MTRF1: variants seen among roughly 807,000 people sequenced by gnomAD.
MTRF1 encodes peptide chain release factor 1, mitochondrial.
Under a neutral mutation model 62.9 loss-of-function variants are expected in MTRF1, and 51 were observed. That is an observed-to-expected ratio of 0.81 (90% confidence interval 0.65 to 1.02). MTRF1 has a LOEUF of 1.02. MTRF1 is among the 50% of genes least tolerant of loss of function. The pLI is 0.00. For synonymous variants in MTRF1, 158 were observed against 181.9 expected, an observed-to-expected ratio of 0.87 and a Z score of 1.06; for missense variants, 446 against 530.0, an observed-to-expected ratio of 0.84 and a Z score of 1.56.
the MTRF1 span, chr13:41,287,693 T>C: frequency 6.3e-6 from 1 of 158,028 alleles, no homozygotes; most frequent in Admixed American, 6.5e-5. Context: ...TTAAGCAAAA[T>C]GTACAACAGT....
the MTRF1 span, among the ~76,000 whole-genome samples, chr13:41,289,530 C>G: frequency 1.3e-5 from 2 of 152,188 alleles, no homozygotes; most frequent in African/African-American, 2.4e-5. Context: ...GCCGCCGTGC[C>G]CAGCCGAAAA....
the MTRF1 span, chr13:41,311,670 C>A: frequency 8.3e-7 from 1 of 1,200,312 alleles, no homozygotes; most frequent in Non-Finnish European, 1.2e-6. Flanking sequence ...CCGGCGCGGG[C>A]CAGGCTTGGC....
chr13:41,278,452 C>T, the MTRF1 span, among the ~76,000 whole-genome samples: 2 of 152,152 alleles, frequency 1.3e-5, no homozygotes, highest in South Asian at 2.1e-4. Flanking sequence ...TGGGATATGC[C>T]CTATGTAAAC....
At chr13:41,292,970 T>C in the MTRF1 span, among the ~76,000 whole-genome samples, 26 of 152,210 alleles carry the variant, frequency 1.7e-4, no homozygotes, top group South Asian at 5.0e-3. Context: ...CAAAAACTTA[T>C]TTGCCTGAAA....
intron 2 of MTRF1, among the ~76,000 whole-genome samples, chr13:41,258,488 G>A (rs373516384): frequency 1.1e-4 from 17 of 150,826 alleles, no homozygotes; most frequent in South Asian, 4.2e-4. Context: ...AAAAATAGCC[G>A]GTAGTCCCAG....
chr13:41,236,734 A>G (rs776558252), intron 6 of MTRF1: 1 of 152,268 alleles, frequency 6.6e-6, no homozygotes, highest in African/African-American at 2.4e-5. Context: ...AAGTAGTTAC[A>G]TAGAAAATGT....
the MTRF1 span, among the ~76,000 whole-genome samples, chr13:41,289,281 C>T: frequency 1.4e-5 from 2 of 141,960 alleles, no homozygotes; most frequent in African/African-American, 5.3e-5. Context: ...GTCACCCAGG[C>T]TGGAGTGCAG....
intron 5 of MTRF1, among the ~76,000 whole-genome samples, chr13:41,246,032 T>C (rs771398166): frequency 1.3e-4 from 15 of 117,980 alleles, no homozygotes; most frequent in Admixed American, 9.2e-4. Context: ...TAAATCTCCT[T>C]ACCTACAGCC....
chr13:41,260,428 C>A, intron 2 of MTRF1, 65 bp downstream of exon 2: 1 of 1,285,934 alleles, frequency 7.8e-7, no homozygotes, highest in Non-Finnish European at 1.1e-6. Flanking sequence ...TACACACACG[C>A]ATATAAGTGT....
At chr13:41,218,280 AATTTTTTTTTTTTTTTTT>A (rs751947383) in intron 9 of MTRF1, among the ~76,000 whole-genome samples, 17,264 of 121,010 alleles carry the variant, frequency 0.14, 1,328 homozygotes, top group Non-Finnish European at 0.2. Flanking sequence ...ACACCCAGCT[AATTTTTTTTTTTTTTTTT>A]TTTTTTTTTT....
At position 41,260,783 on chromosome 13, in the gene MTRF1, A is replaced by C; in HGVS notation, c.125T>G (p.Phe42Cys). The part of the protein sequence containing the change: ...QIHLDTRLQV[F>C]RQNRNCILHL... ...AAGAATGCAATTCCTGTTTTGTCTA[A>C]AAACTTGCAGCCTTGTATCAAGATG... Residue 42 changes from phenylalanine to cysteine, a missense_variant, in exon 2 of 10, where the codon TTT (phenylalanine) becomes TGT (cysteine). By Grantham distance (205) the Phe-to-Cys change is radical. Transcript: ENST00000379480. The C allele has an allele frequency of 6.2e-7, 1 of 1,614,218 alleles. No homozygotes were observed. The highest frequency in any genetic ancestry group is 8.5e-7 in the Non-Finnish European group (1 of 1,180,042).
At chr13:41,268,830 T>C in the MTRF1 span, among the ~76,000 whole-genome samples, 1 of 152,166 alleles carries the variant, frequency 6.6e-6, no homozygotes, top group Non-Finnish European at 1.5e-5. Flanking sequence ...TCTAATTATT[T>C]AGTGTATAAG....
At chr13:41,233,265 G>C (rs2035906528) in intron 7 of MTRF1, among the ~76,000 whole-genome samples, 1 of 152,142 alleles carries the variant, frequency 6.6e-6, no homozygotes, top group Non-Finnish European at 1.5e-5. Flanking sequence ...GTTGTCTTTA[G>C]GAAATGGGAA....
chr13:41,241,806 C>T (rs1031149540), intron 5 of MTRF1, among the ~76,000 whole-genome samples: 3 of 152,164 alleles, frequency 2.0e-5, no homozygotes, highest in Admixed American at 6.5e-5. Flanking sequence ...CCCTCTGTAT[C>T]GGCAGCAATT....
the MTRF1 span, among the ~76,000 whole-genome samples, chr13:41,299,288 T>C: frequency 6.6e-6 from 1 of 152,196 alleles, no homozygotes; most frequent in African/African-American, 2.4e-5. Flanking sequence ...TGTTTTGTAC[T>C]TTTGTCCTAC....
At chr13:41,244,748 A>G (rs188878359) in intron 5 of MTRF1, among the ~76,000 whole-genome samples, 52 of 152,274 alleles carry the variant, frequency 3.4e-4, no homozygotes, top group Admixed American at 1.1e-3. Context: ...TTACAACTAC[A>G]TGAGTGAGCT....
At chr13:41,228,050 T>C (rs569192942) in intron 7 of MTRF1, among the ~76,000 whole-genome samples, 9 of 152,352 alleles carry the variant, frequency 5.9e-5, no homozygotes, top group African/African-American at 2.2e-4. Context: ...ATTCCTCTTC[T>C]TGTCAGCTGA....
intron 7 of MTRF1, among the ~76,000 whole-genome samples, chr13:41,230,274 T>C (rs1364736105): frequency 6.6e-6 from 1 of 152,150 alleles, no homozygotes; most frequent in Admixed American, 6.5e-5. Flanking sequence ...CTTTTCTTTT[T>C]TTTTTTTGAG....
chr13:41,289,478 C>T, the MTRF1 span, among the ~76,000 whole-genome samples: 3 of 152,136 alleles, frequency 2.0e-5, no homozygotes, highest in African/African-American at 4.8e-5. Context: ...TCAGGGGATC[C>T]ACCCACCTTG....
Sources: gnomAD v4.1 joint callset for allele counts (sites outside exome capture counted in the v4.1 genomes callset) on GRCh38, gnomAD v4.1.1 for gene constraint, MANE v1.5 for transcripts, NCBI Gene and HGNC (gene_info 2026-07-23, HGNC 2026-07-21) for gene names.